Variants in KCTD1 observed in about 807,000 individuals in gnomAD.
The protein encoded by KCTD1 is potassium channel tetramerization domain containing 1, also known as BTB/POZ domain-containing protein KCTD1.
A neutral mutation model predicts 66.0 loss-of-function variants in KCTD1; 24 were observed. The observed-to-expected ratio is 0.36, with a 90% CI of 0.26 to 0.51. The LOEUF (loss-of-function observed/expected upper bound fraction) is 0.51, where lower values mean the gene tolerates loss of function less well. Among genes scored for constraint, KCTD1 ranks in the 20% least tolerant of loss-of-function variants. The pLI is 0.95. For missense variants in KCTD1, 943 were observed against 1,205.2 expected, an observed-to-expected ratio of 0.78 and a Z score of 3.22; for synonymous variants, 511 against 517.2, an observed-to-expected ratio of 0.99 and a Z score of 0.16.
chr18:26,467,352 A>G (rs2144564336), intron 3 of KCTD1, among the ~76,000 whole-genome samples: 1 of 152,074 alleles, frequency 6.6e-6, no homozygotes, highest in East Asian at 1.9e-4. Context: ...GACCGTCTCT[A>G]CAAAAAATGA....
intron 1 of KCTD1, among the ~76,000 whole-genome samples, chr18:26,593,334 G>T (rs1986656900): frequency 6.9e-6 from 1 of 144,942 alleles, no homozygotes; most frequent in African/African-American, 2.6e-5. Context: ...AGAGGAGGAG[G>T]AAGAGGAGGA....
At chr18:26,507,850 C>T (rs1567972877) in intron 1 of KCTD1, among the ~76,000 whole-genome samples, 1 of 152,136 alleles carries the variant, frequency 6.6e-6, no homozygotes, top group African/African-American at 2.4e-5. Flanking sequence ...GAACACTGGC[C>T]ACCTTTGGGA....
chr18:26,501,243 C>T lies in KCTD1; in HGVS notation c.1817G>A (p.Arg606Gln), dbSNP rs1470150053. The T allele has an allele frequency of 2.5e-6, 4 of 1,613,608 alleles. No individual in the cohort carries two copies. The highest frequency in any genetic ancestry group is 2.2e-5 in the South Asian group (2 of 90,986). ...GATCAGAGGTCTTGACATATTGGGCCGACTGTCCTACAGAGAGATAAGCAA... is the reference window on the plus strand; with the variant it reads ...GATCAGAGGTCTTGACATATTGGGCTGACTGTCCTACAGAGAGATAAGCAA... ...PAIVSPTQDS[R>Q]PNMSRPLITR... The change falls in exon 2 of 5, where the codon CGG (arginine) becomes CAG (glutamine). Residue 606 changes from arginine (R) to glutamine (Q), a missense_variant. Arg to Gln is a conservative substitution (Grantham distance 43). This residue lies in a region of KCTD1 where 41 missense variants were observed against 103.8 expected (regional missense o/e 0.39). Transcript: ENST00000580059.
At chr18:26,574,887 G>A (rs1445179687) in intron 1 of KCTD1, among the ~76,000 whole-genome samples, 2 of 152,004 alleles carry the variant, frequency 1.3e-5, no homozygotes, top group Non-Finnish European at 2.9e-5. Context: ...AGTTTGGCTA[G>A]GACAAGCAAC....
At chr18:26,500,503 T>C (rs1002392372) in intron 2 of KCTD1, among the ~76,000 whole-genome samples, 2 of 152,194 alleles carry the variant, frequency 1.3e-5, no homozygotes, top group Non-Finnish European at 2.9e-5. Flanking sequence ...TACTGCCTAC[T>C]TGTAAATCAC....
chr18:26,539,889 C>T (rs989683654), intron 1 of KCTD1, among the ~76,000 whole-genome samples: 1 of 152,068 alleles, frequency 6.6e-6, no homozygotes. Context: ...ATCAAGTTTA[C>T]ATATACATAT....
chr18:26,471,944 T>C (rs1046280810), intron 3 of KCTD1, among the ~76,000 whole-genome samples: 1 of 152,160 alleles, frequency 6.6e-6, no homozygotes, highest in East Asian at 1.9e-4. Context: ...AGTGGATTGA[T>C]TCGCGATGCG....
At chr18:26,567,451 G>T (rs986597536) in intron 1 of KCTD1, among the ~76,000 whole-genome samples, 9 of 150,912 alleles carry the variant, frequency 6.0e-5, no homozygotes, top group Non-Finnish European at 1.3e-4. Context: ...TAGAGGAAAT[G>T]CTGTTGTTCT....
chr18:26,530,078 TG>T (rs1245057404), intron 1 of KCTD1, among the ~76,000 whole-genome samples: 1 of 152,164 alleles, frequency 6.6e-6, no homozygotes, highest in Non-Finnish European at 1.5e-5. Flanking sequence ...GGAATGGAAA[TG>T]GAAGACTAGA....
upstream of KCTD1, among the ~76,000 whole-genome samples, chr18:26,629,794 T>G (rs1598974962): frequency 6.7e-6 from 1 of 149,450 alleles, no homozygotes. Flanking sequence ...CTCAGCTCAC[T>G]GCAACCTCTA....
intron 1 of KCTD1, among the ~76,000 whole-genome samples, chr18:26,607,671 CTT>C (rs2144985280): frequency 6.6e-6 from 1 of 152,242 alleles, no homozygotes; most frequent in East Asian, 1.9e-4. Context: ...TCATGTGTGG[CTT>C]TTAAGCCCAT....
At chr18:26,628,543 G>A (rs1351229386) in intron 1 of KCTD1, among the ~76,000 whole-genome samples, 3 of 151,962 alleles carry the variant, frequency 2.0e-5, no homozygotes. Flanking sequence ...AGTTCTAAAG[G>A]AAGCAGTTTG....
intron 1 of KCTD1, among the ~76,000 whole-genome samples, chr18:26,559,633 T>G (rs1188614685): frequency 6.6e-6 from 1 of 152,102 alleles, no homozygotes; most frequent in Non-Finnish European, 1.5e-5. Flanking sequence ...GTGTGGAGCC[T>G]GGTGAGCCTC....
intron 1 of KCTD1, among the ~76,000 whole-genome samples, chr18:26,541,418 CTGTTATTTT>C (rs1186408046): frequency 1.3e-5 from 2 of 152,212 alleles, no homozygotes; most frequent in African/African-American, 4.8e-5. Context: ...GCTCCCACCT[CTGTTATTTT>C]TGAAAATTCT....
chr18:26,583,393 CAAAAAAAAAAAAA>C (rs55720907), intron 1 of KCTD1, among the ~76,000 whole-genome samples: 25 of 83,820 alleles, frequency 3.0e-4, no homozygotes, highest in South Asian at 1.0e-3. Context: ...GACTTTGTCT[CAAAAAAAAAAAAA>C]AAAAAAAAAA....
intron 1 of KCTD1, chr18:26,599,716 T>C (rs976183950): frequency 1.2e-5 from 18 of 1,550,036 alleles, no homozygotes; most frequent in Admixed American, 3.3e-5. Flanking sequence ...CAGCTGTAGA[T>C]AACAATAGCA....
chr18:26,573,257 G>A (rs905777141), intron 1 of KCTD1, among the ~76,000 whole-genome samples: 1 of 152,110 alleles, frequency 6.6e-6, no homozygotes, highest in South Asian at 2.1e-4. Context: ...AGGCTGGGGG[G>A]AGGGGAGAAT....
intron 1 of KCTD1, among the ~76,000 whole-genome samples, chr18:26,520,275 A>G (rs1329965891): frequency 6.6e-6 from 1 of 152,166 alleles, no homozygotes; most frequent in African/African-American, 2.4e-5. Flanking sequence ...CCACACACAC[A>G]TGTGCTGGCT....
At chr18:26,599,785 A>T in intron 1 of KCTD1, 2 of 1,574,410 alleles carry the variant, frequency 1.3e-6, no homozygotes. Context: ...TGTGGAAGTG[A>T]AAGAGCTGCA....
Sources: gnomAD v4.1 joint callset for allele counts (sites outside exome capture counted in the v4.1 genomes callset) on GRCh38, gnomAD v4.1.1 for gene constraint, gnomAD v4.1.1 regional missense constraint, MANE v1.5 for transcripts, NCBI Gene and HGNC (gene_info 2026-07-23, HGNC 2026-07-21) for gene names.